Variants in GRID1 observed in about 807,000 individuals in gnomAD.
The protein encoded by GRID1 is glutamate receptor ionotropic, delta-1.
Under a neutral mutation model 98.0 loss-of-function variants are expected in GRID1, and 28 were observed. The ratio of observed to expected loss-of-function variants is 0.29; its 90% CI spans 0.21 to 0.39. The LOEUF (loss-of-function observed/expected upper bound fraction) is 0.39. Ranked by LOEUF, GRID1 falls within the 10% of genes least tolerant of loss-of-function variation. The pLI is 1.00. For synonymous variants in GRID1, 553 were observed against 538.5 expected (o/e 1.03, Z -0.37); for missense variants, 1,111 against 1,340.5 (o/e 0.83, Z 2.67).
At chr10:85,613,162 G>C (rs1450144886) in intron 15 of GRID1, 7 of 559,608 alleles carry the variant, frequency 1.3e-5, no homozygotes, top group African/African-American at 9.4e-5. Flanking sequence ...GATAAATACA[G>C]GACTTTAGTG....
At chr10:85,924,401 A>G (rs1841747126) in intron 4 of GRID1, among the ~76,000 whole-genome samples, 1 of 152,226 alleles carries the variant, frequency 6.6e-6, no homozygotes, top group African/African-American at 2.4e-5. Flanking sequence ...TGAGAAAGAA[A>G]CAAAGTGAAC....
intron 5 of GRID1, among the ~76,000 whole-genome samples, chr10:85,871,762 T>C (rs546346449): frequency 1.3e-5 from 2 of 152,288 alleles, no homozygotes; most frequent in Middle Eastern, 3.4e-3. Flanking sequence ...GTGTGAAGCC[T>C]GGTCAGTTGA....
intron 4 of GRID1, among the ~76,000 whole-genome samples, chr10:86,129,764 C>A (rs1488965627): frequency 2.0e-5 from 3 of 152,182 alleles, no homozygotes. Flanking sequence ...CAAAATGGTC[C>A]CAACTCTCTG....
chr10:85,619,896 G>A lies in GRID1; in HGVS notation c.2331C>T (p.Gly777=), dbSNP rs143203189. The A allele has an allele frequency of 8.0e-5, 129 of 1,614,128 alleles. No homozygotes were observed. In the African/African-American group the frequency reaches 1.3e-3, roughly 16 times the overall value. ...GGGAGAAGAGGTCCCTGTAGGGGCTGCCATGCTGCAGGGCAATCCCGTAAC... is the reference window on the plus strand; with the variant it reads ...GGGAGAAGAGGTCCCTGTAGGGGCTACCATGCTGCAGGGCAATCCCGTAAC... ...SKGYGIALQH[G]SPYRDLFSQR... The change falls in exon 14 of 16, where the codon GGC becomes GGT. Residue 777 remains glycine (G), a synonymous_variant. Coordinates refer to ENST00000327946, the MANE Select transcript of GRID1 (RefSeq NM_017551.3).
Position 86,365,923 on chromosome 10 carries a change from G to T in GRID1, c.79+391C>A, listed in dbSNP as rs1194586225. ...GGTCCGGCCTCTTTGATCTTGCCCT[G>T]CCAACTTGGCGAGCCCCCCGCTGTA... is the stretch of plus-strand genomic sequence containing the variant. On this transcript the variant is annotated intron_variant, in intron 1 of 15. Coordinates refer to ENST00000327946, the MANE Select transcript of GRID1 (RefSeq NM_017551.3). This position sits in a 1 kb window ranked among gnomAD's most constrained non-coding sequence, Gnocchi z 4.8. Among the ~76,000 whole-genome samples the T allele has an allele frequency of 6.7e-6, 1 of 150,060 alleles. No individual in the cohort carries two copies. The highest frequency in any genetic ancestry group is 1.5e-5 in the Non-Finnish European group (1 of 67,398).
At chr10:85,919,841 G>C (rs1841676900) in intron 4 of GRID1, among the ~76,000 whole-genome samples, 1 of 152,168 alleles carries the variant, frequency 6.6e-6, no homozygotes, top group South Asian at 2.1e-4. Context: ...TAAGGCTTTT[G>C]AATACCAACA....
chr10:85,756,234 T>G (rs1842097035), intron 8 of GRID1, among the ~76,000 whole-genome samples: 1 of 152,226 alleles, frequency 6.6e-6, no homozygotes, highest in South Asian at 2.1e-4. Context: ...GTTTGAGCTG[T>G]GAAGAATAAA....
intron 4 of GRID1, among the ~76,000 whole-genome samples, chr10:85,952,167 C>A (rs926207105): frequency 2.6e-5 from 4 of 152,134 alleles, no homozygotes; most frequent in African/African-American, 9.7e-5. Context: ...AAGAAACAAA[C>A]AGGAAGGAAA....
chr10:86,271,097 CAG>C (rs890353665), intron 2 of GRID1, among the ~76,000 whole-genome samples: 2 of 152,156 alleles, frequency 1.3e-5, no homozygotes, highest in African/African-American at 4.8e-5. Flanking sequence ...AAGTGTTCAG[CAG>C]AGTGTGAGCA....
At chr10:86,349,940 G>T (rs927740530) in intron 2 of GRID1, among the ~76,000 whole-genome samples, 6 of 152,198 alleles carry the variant, frequency 3.9e-5, no homozygotes, top group African/African-American at 1.4e-4. Context: ...CGACGAGGAC[G>T]CCTACAAAGA....
At chr10:86,127,445 A>T (rs1844770705) in intron 4 of GRID1, among the ~76,000 whole-genome samples, 1 of 152,164 alleles carries the variant, frequency 6.6e-6, no homozygotes, top group Non-Finnish European at 1.5e-5. Flanking sequence ...GCTCCTGCTC[A>T]TGTGCTCCAA....
At chr10:86,226,164 G>A (rs1008243868) in intron 2 of GRID1, among the ~76,000 whole-genome samples, 2 of 151,918 alleles carry the variant, frequency 1.3e-5, no homozygotes, top group East Asian at 3.9e-4. Flanking sequence ...TCTGGACAGG[G>A]GACCTGCCTG....
Position 86,363,977 on chromosome 10 carries a change from T to C in GRID1, c.199A>G (p.Ile67Val), listed in dbSNP as rs753955881. The change falls in exon 2 of 16, where the codon ATC becomes GTC. Residue 67 changes from isoleucine to valine, a missense_variant. By Grantham distance (29) the Ile-to-Val change is conservative. Transcript: ENST00000327946. ...SEKITYSIKV[I>V]EANNPFQAVQ... ...GCCTGGAATGGGTTGTTGGCCTCGA[T>C]GACCTTGATGGAGTAGGTGATCTTC... 17 of 1,614,052 alleles carry C rather than the reference T, an allele frequency of 1.1e-5. No homozygotes were observed. In the South Asian group the frequency reaches 1.9e-4, roughly 18 times the overall value.
chr10:85,825,942 G>A (rs898529989), intron 8 of GRID1, among the ~76,000 whole-genome samples: 1 of 151,612 alleles, frequency 6.6e-6, no homozygotes, highest in Non-Finnish European at 1.5e-5. Flanking sequence ...AAAAGAAGAG[G>A]AAAAAAAGAT....
intron 2 of GRID1, among the ~76,000 whole-genome samples, chr10:86,292,698 T>C (rs1476348513): frequency 6.6e-6 from 1 of 151,864 alleles, no homozygotes; most frequent in African/African-American, 2.4e-5. Context: ...TGGGTGAGTG[T>C]GAGTGTGGAT....
intron 8 of GRID1, among the ~76,000 whole-genome samples, chr10:85,733,107 C>T (rs535096738): frequency 1.9e-4 from 29 of 152,320 alleles, no homozygotes; most frequent in Admixed American, 1.3e-3. Context: ...CCCATTAAGA[C>T]ATAACATTAG....
chr10:85,769,377 A>G (rs935441754), intron 8 of GRID1, among the ~76,000 whole-genome samples: 1 of 152,204 alleles, frequency 6.6e-6, no homozygotes, highest in African/African-American at 2.4e-5. Flanking sequence ...GCTCCGGTCT[A>G]CAGCTCCCAG....
chr10:86,052,023 G>A (rs1291418876), intron 4 of GRID1, among the ~76,000 whole-genome samples: 7 of 152,250 alleles, frequency 4.6e-5, no homozygotes, highest in Non-Finnish European at 1.5e-5. Flanking sequence ...CATAGCACAA[G>A]AATGGGTGGA....
chr10:85,933,909 G>A (rs887950506), intron 4 of GRID1, among the ~76,000 whole-genome samples: 2 of 152,162 alleles, frequency 1.3e-5, no homozygotes, highest in Admixed American at 1.3e-4. Flanking sequence ...GGCTCACTTT[G>A]ATCAACACAT....
Sources: allele counts gnomAD v4.1 joint callset (sites outside exome capture counted in the v4.1 genomes callset), GRCh38; gene constraint gnomAD v4.1.1; non-coding constraint Gnocchi (gnomAD v3.1); transcripts MANE v1.5; gene names NCBI Gene and HGNC (gene_info 2026-07-23, HGNC 2026-07-21).